The following RFX6 variants were observed in gnomAD, a reference collection of about 807,000 sequenced individuals.
RFX6 encodes the protein DNA-binding protein RFX6.
A neutral mutation model predicts 110.8 loss-of-function variants in RFX6; 50 were observed. That is an observed-to-expected ratio of 0.45 (90% CI 0.36 to 0.57). The LOEUF (loss-of-function observed/expected upper bound fraction) is 0.57, where lower values mean the gene tolerates loss of function less well. Among genes scored for constraint, RFX6 ranks in the 20% least tolerant of loss-of-function variants. The pLI, the probability that RFX6 is intolerant of heterozygous loss-of-function variation, is 0.00. For synonymous variants in RFX6, 383 were observed against 411.2 expected, an observed-to-expected ratio of 0.93 and a Z score of 0.83; for missense variants, 990 against 1,127.0, an observed-to-expected ratio of 0.88 and a Z score of 1.74.
At chr6:116,923,332 G>C (rs1775642782) in intron 14 of RFX6, 108 bp downstream of exon 14, 4 of 756,326 alleles carry the variant, frequency 5.3e-6, no homozygotes, top group African/African-American at 1.7e-5. Flanking sequence ...TTCTTAAACT[G>C]TATCTGAATA....
intron 7 of RFX6, among the ~76,000 whole-genome samples, chr6:116,914,160 A>G (rs553355639): frequency 6.6e-6 from 1 of 152,292 alleles, no homozygotes; most frequent in East Asian, 1.9e-4. Context: ...TAGGTCCCAC[A>G]TATGAGTGAG....
intron 6 of RFX6, among the ~76,000 whole-genome samples, chr6:116,901,868 AAGG>A (rs1407569305): frequency 1.3e-5 from 2 of 152,146 alleles, no homozygotes; most frequent in Non-Finnish European, 1.5e-5. Flanking sequence ...CATTGTGCAC[AAGG>A]AGGTGTGTAT....
chr6:116,877,510 G>T lies in RFX6; in HGVS notation c.223+12G>T, dbSNP rs1165745840. On this transcript the variant is annotated intron_variant, in intron 1 of 18. Coordinates refer to ENST00000332958, the MANE Select transcript of RFX6 (RefSeq NM_173560.4). Reference sequence around the variant, plus strand: ...GGCAGTGAAATCAGGTGAGTGCTCTGCCGCATCCGGAGCTGGGAAGGGGAC... The same window carrying T: ...GGCAGTGAAATCAGGTGAGTGCTCTTCCGCATCCGGAGCTGGGAAGGGGAC... 6.5e-7 allele frequency: 1 copy of T among 1,543,568 alleles called. No individual in the cohort carries two copies. Among genetic ancestry groups the T allele is most frequent in the East Asian group, 2.4e-5 (1 of 41,128 alleles).
chr6:116,915,824 T>G (rs1477415972), intron 7 of RFX6, among the ~76,000 whole-genome samples, 184 bp from the exon 8 acceptor site: 1 of 152,160 alleles, frequency 6.6e-6, no homozygotes, highest in Non-Finnish European at 1.5e-5. Context: ...TTGTTTGCTT[T>G]TCTCCCTTCA....
intron 6 of RFX6, among the ~76,000 whole-genome samples, chr6:116,902,706 G>C (rs1480376791): frequency 6.6e-6 from 1 of 152,032 alleles, no homozygotes; most frequent in African/African-American, 2.4e-5. Flanking sequence ...CTACCAGGAA[G>C]TTTCCTTGAT....
chr6:116,899,651 A>G (rs907000528), intron 6 of RFX6, among the ~76,000 whole-genome samples: 3 of 152,248 alleles, frequency 2.0e-5, no homozygotes, highest in Admixed American at 6.5e-5. Context: ...AACATTGACC[A>G]TTTTGCAAAA....
chr6:116,921,939 A>G (rs893204060), intron 12 of RFX6, 103 bp from the exon 13 acceptor site: 2 of 677,532 alleles, frequency 3.0e-6, no homozygotes, highest in Admixed American at 5.1e-5. Flanking sequence ...CTTTCATGCT[A>G]TCAAAGTATT....
intron 12 of RFX6, among the ~76,000 whole-genome samples, 187 bp from the exon 13 acceptor site, chr6:116,921,855 C>G (rs1481011971): frequency 6.6e-6 from 1 of 151,906 alleles, no homozygotes; most frequent in African/African-American, 2.4e-5. Flanking sequence ...TTGAAGAGTA[C>G]AGTACTAAGG....
At chr6:116,920,884 C>A (rs1775580704) in intron 12 of RFX6, among the ~76,000 whole-genome samples, 1 of 152,028 alleles carries the variant, frequency 6.6e-6, no homozygotes, top group Non-Finnish European at 1.5e-5. Context: ...AGTTTTCTTT[C>A]AGTTTTACAT....
At chr6:116,882,569 G>T (rs1386848129) in intron 4 of RFX6, 141 bp downstream of exon 4, 3 of 455,166 alleles carry the variant, frequency 6.6e-6, no homozygotes, top group Non-Finnish European at 1.2e-5. Context: ...TGTGAGAACT[G>T]AAAAAAAAAA....
At chr6:116,928,205 A>G (rs1236091663) in intron 17 of RFX6, among the ~76,000 whole-genome samples, 2 of 152,200 alleles carry the variant, frequency 1.3e-5, no homozygotes, top group Non-Finnish European at 2.9e-5. Context: ...CTAAAAGCAG[A>G]TTTTAAAGAT....
At chr6:116,903,968 A>G (rs1335577721) in intron 6 of RFX6, among the ~76,000 whole-genome samples, 1 of 152,030 alleles carries the variant, frequency 6.6e-6, no homozygotes, top group African/African-American at 2.4e-5. Flanking sequence ...TTTACTAGTA[A>G]AGGTGAAATT....
intron 7 of RFX6, 30 bp downstream of exon 7, chr6:116,911,072 T>C (rs1199479514): frequency 7.0e-7 from 1 of 1,421,042 alleles, no homozygotes; most frequent in East Asian, 2.3e-5. Context: ...CTCTATTGAT[T>C]TTCTGATATG....
At chr6:116,889,603 T>C (rs1047334842) in intron 4 of RFX6, among the ~76,000 whole-genome samples, 2 of 151,840 alleles carry the variant, frequency 1.3e-5, no homozygotes, top group African/African-American at 4.8e-5. Context: ...CAATGGAGAG[T>C]TCAAAAAACC....
chr6:116,906,860 GTT>G (rs34715737), intron 6 of RFX6, among the ~76,000 whole-genome samples: 50 of 137,156 alleles, frequency 3.6e-4, no homozygotes, highest in East Asian at 2.9e-3. Context: ...GTGTTTTTTT[GTT>G]TTTTTTTTTT....
chr6:116,919,721 T>C (rs756750597), intron 11 of RFX6, among the ~76,000 whole-genome samples: 2 of 152,350 alleles, frequency 1.3e-5, no homozygotes, highest in Middle Eastern at 3.4e-3. Flanking sequence ...TGTGTGATAC[T>C]TAATATTGTG....
intron 14 of RFX6, among the ~76,000 whole-genome samples, chr6:116,923,830 A>G (rs983372481): frequency 2.6e-5 from 4 of 152,176 alleles, no homozygotes; most frequent in African/African-American, 9.6e-5. Context: ...CTTTTTCCTT[A>G]GAATTCCTGA....
At chr6:116,924,883 A>G (rs965831194) in intron 15 of RFX6, 92 bp downstream of exon 15, 19 of 902,798 alleles carry the variant, frequency 2.1e-5, no homozygotes, top group Admixed American at 5.9e-5. Flanking sequence ...TGGGTTTATC[A>G]TAATCTCAGA....
At chr6:116,891,852 T>C (rs1358040726) in intron 4 of RFX6, among the ~76,000 whole-genome samples, 1 of 152,200 alleles carries the variant, frequency 6.6e-6, no homozygotes, top group African/African-American at 2.4e-5. Flanking sequence ...TTTAGTATTT[T>C]GAAGTTTCCA....
Sources: gnomAD v4.1 joint callset for allele counts (sites outside exome capture counted in the v4.1 genomes callset) on GRCh38, gnomAD v4.1.1 for gene constraint, MANE v1.5 for transcripts, NCBI Gene and HGNC (gene_info 2026-07-23, HGNC 2026-07-21) for gene names.